The following DLC1 variants were observed in gnomAD, a reference collection of about 807,000 sequenced individuals.
The protein encoded by DLC1 is DLC1 Rho GTPase activating protein.
DLC1 carries 54 observed loss-of-function variants against 140.3 expected under a neutral mutation model. The observed-to-expected ratio is 0.38, with a 90% CI of 0.31 to 0.48. The LOEUF is 0.48. DLC1 is among the 20% of genes least tolerant of loss of function. DLC1 has a pLI of 0.96. For synonymous variants in DLC1, 986 were observed against 728.1 expected (o/e 1.35, Z -5.70); for missense variants, 2,536 against 1,907.0 (o/e 1.33, Z -6.14).
intron 1 of DLC1, chr8:13,535,938 A>T: frequency 6.6e-6 from 1 of 152,112 alleles, no homozygotes; most frequent in Non-Finnish European, 1.5e-5. Context: ...TGTTAGCAAG[A>T]ATTTTTTAAG....
chr8:13,221,209 G>A (rs1418593586), intron 5 of DLC1, among the ~76,000 whole-genome samples: 1 of 152,030 alleles, frequency 6.6e-6, no homozygotes, highest in Non-Finnish European at 1.5e-5. Flanking sequence ...TTTCCATGGG[G>A]GATGTTAGAC....
At chr8:13,437,988 A>G (rs1384153091) in intron 2 of DLC1, among the ~76,000 whole-genome samples, 1 of 151,736 alleles carries the variant, frequency 6.6e-6, no homozygotes, top group African/African-American at 2.4e-5. Context: ...GAAGAATGAA[A>G]TCTTATATAA....
In DLC1 at chr8:13,084,609, G is replaced by GAAAAAAAAAA. The variant is rs34605265; in HGVS notation, c.*1192_*1201dup. 8.0e-6 allele frequency: 1 copy of GAAAAAAAAAA among 125,748 alleles called. No homozygotes were observed. The highest frequency in any genetic ancestry group is 2.7e-5 in the African/African-American group (1 of 36,554). The allele number at this position is 125,748 out of a possible 1,614,324, so 7.8% of individuals were successfully genotyped here. A position where few individuals can be genotyped will look rare whatever the true frequency, so the allele number is the denominator to read the frequency against. ...AATATATTTCCAGGGCATTCTAAAG[G>GAAAAAAAAAA]AAAAAAAAAAAAAAAGAAATGTAGG... On this transcript the variant is annotated 3_prime_UTR_variant, in exon 18 of 18. Transcript: ENST00000276297.
intron 1 of DLC1, among the ~76,000 whole-genome samples, chr8:13,594,552 G>A (rs1438611330): frequency 1.3e-5 from 2 of 151,994 alleles, no homozygotes; most frequent in Non-Finnish European, 1.5e-5. Context: ...GATTTTCTGC[G>A]TAAGTCTTCT....
At chr8:13,584,568 A>G (rs910567126) in intron 1 of DLC1, 8 of 152,204 alleles carry the variant, frequency 5.3e-5, no homozygotes, top group African/African-American at 1.7e-4. Context: ...GGCACAATAA[A>G]AACACATTGC....
chr8:13,568,581 T>C (rs1186121308), intron 1 of DLC1, among the ~76,000 whole-genome samples: 4 of 44,660 alleles, frequency 9.0e-5, no homozygotes, highest in Non-Finnish European at 2.2e-4. Flanking sequence ...CAAGCGTTTT[T>C]GGAAATGAAT....
intron 5 of DLC1, among the ~76,000 whole-genome samples, chr8:13,228,580 A>T (rs1828903552): frequency 6.6e-6 from 1 of 152,036 alleles, no homozygotes; most frequent in African/African-American, 2.4e-5. Context: ...TACAAAAAAA[A>T]TAAAAATAAA....
intron 2 of DLC1, among the ~76,000 whole-genome samples, chr8:13,424,233 T>C (rs1208024329): frequency 6.6e-6 from 1 of 152,120 alleles, no homozygotes; most frequent in Non-Finnish European, 1.5e-5. Flanking sequence ...GTTCGGTGGC[T>C]CACCCCTATA....
At chr8:13,542,959 A>G (rs1454814196) in intron 1 of DLC1, among the ~76,000 whole-genome samples, 1 of 152,090 alleles carries the variant, frequency 6.6e-6, no homozygotes, top group Non-Finnish European at 1.5e-5. Flanking sequence ...TTCTGCACCT[A>G]CTGAAATTAT....
At chr8:13,430,572 C>G (rs1838819677) in intron 2 of DLC1, among the ~76,000 whole-genome samples, 1 of 151,994 alleles carries the variant, frequency 6.6e-6, no homozygotes. Flanking sequence ...TTCCTTTTTT[C>G]TGCAGTACTT....
intron 5 of DLC1, among the ~76,000 whole-genome samples, chr8:13,151,880 AAG>A (rs1484612910): frequency 1.3e-5 from 2 of 152,296 alleles, no homozygotes; most frequent in Non-Finnish European, 2.9e-5. Flanking sequence ...TTTTTAAAAA[AAG>A]AAAGTGGTAA....
intron 2 of DLC1, among the ~76,000 whole-genome samples, chr8:13,446,065 T>C (rs559665426): frequency 2.6e-5 from 4 of 152,304 alleles, no homozygotes; most frequent in Admixed American, 2.0e-4. Context: ...CTGAACAGTG[T>C]GGTCAGAGAT....
intron 2 of DLC1, among the ~76,000 whole-genome samples, chr8:13,420,191 G>T (rs1032334959): frequency 3.8e-4 from 58 of 151,912 alleles, no homozygotes; most frequent in Non-Finnish European, 1.3e-4. Flanking sequence ...TTTTTTGAAG[G>T]GTTTTTTGTG....
chr8:13,438,525 G>A (rs1462772381), intron 2 of DLC1, among the ~76,000 whole-genome samples: 1 of 152,054 alleles, frequency 6.6e-6, no homozygotes, highest in Non-Finnish European at 1.5e-5. Flanking sequence ...CCCAAATCCT[G>A]ATTTACTGTA....
intron 1 of DLC1, among the ~76,000 whole-genome samples, chr8:13,505,601 CT>C (rs2117226385): frequency 6.6e-6 from 1 of 152,264 alleles, no homozygotes; most frequent in South Asian, 2.1e-4. Context: ...CCAAACCATT[CT>C]TTTTGCCCCA....
intron 2 of DLC1, among the ~76,000 whole-genome samples, chr8:13,422,706 T>G (rs991649205): frequency 3.5e-4 from 53 of 152,174 alleles, no homozygotes; most frequent in African/African-American, 1.3e-3. Flanking sequence ...GAGCAACTAT[T>G]AGATCAATAA....
intron 3 of DLC1, among the ~76,000 whole-genome samples, chr8:13,396,229 T>G (rs1837039633): frequency 6.6e-6 from 1 of 151,744 alleles, no homozygotes; most frequent in Non-Finnish European, 1.5e-5. Flanking sequence ...CCGGCTAAAT[T>G]TTTGTATTTT....
chr8:13,304,709 C>T (rs949034789), intron 5 of DLC1: 24 of 962,348 alleles, frequency 2.5e-5, no homozygotes, highest in Middle Eastern at 5.3e-4. Flanking sequence ...CAATCCATGT[C>T]TAATTTTTCA....
At chr8:13,464,034 A>T (rs1799808197) in intron 2 of DLC1, among the ~76,000 whole-genome samples, 1 of 152,222 alleles carries the variant, frequency 6.6e-6, no homozygotes, top group Non-Finnish European at 1.5e-5. Flanking sequence ...AAGACTCAAG[A>T]TATAGGCAAA....
Sources: allele counts gnomAD v4.1 joint callset (sites outside exome capture counted in the v4.1 genomes callset), GRCh38; gene constraint gnomAD v4.1.1; transcripts MANE v1.5; gene names NCBI Gene and HGNC (gene_info 2026-07-23, HGNC 2026-07-21).